The following PPP2R2B variants were observed in gnomAD, a reference collection of about 807,000 sequenced individuals.
PPP2R2B encodes the protein serine/threonine-protein phosphatase 2A 55 kDa regulatory subunit B beta isoform.
PPP2R2B carries 5 observed loss-of-function variants against 46.0 expected under a neutral mutation model. That is an observed-to-expected ratio of 0.11 (90% CI 0.06 to 0.23). PPP2R2B has a LOEUF of 0.23. PPP2R2B is among the 10% of genes least tolerant of loss of function. The pLI is 1.00. For missense variants in PPP2R2B, 367 were observed against 575.0 expected (o/e 0.64, Z 3.70); for synonymous variants, 215 against 206.7 (o/e 1.04, Z -0.34).
chr5:146,899,888 A>C (rs989285589), intron 1 of PPP2R2B, among the ~76,000 whole-genome samples: 1 of 152,218 alleles, frequency 6.6e-6, no homozygotes, highest in South Asian at 2.1e-4. Flanking sequence ...CATTGTGAAC[A>C]CTAAGGATAC....
At chr5:147,071,115 C>T (rs1450939355) in intron 2 of PPP2R2B, among the ~76,000 whole-genome samples, 2 of 152,086 alleles carry the variant, frequency 1.3e-5, no homozygotes, top group South Asian at 2.1e-4. Context: ...AATGTCCTTT[C>T]GCTTGACATT....
chr5:146,987,222 A>C (rs959105643), intron 1 of PPP2R2B, among the ~76,000 whole-genome samples: 7 of 152,146 alleles, frequency 4.6e-5, no homozygotes, highest in African/African-American at 1.7e-4. Flanking sequence ...AGACCTCATT[A>C]CTACCAGACC....
chr5:146,816,260 C>G (rs932842877), intron 2 of PPP2R2B, among the ~76,000 whole-genome samples: 3 of 152,044 alleles, frequency 2.0e-5, no homozygotes, highest in Non-Finnish European at 2.9e-5. Flanking sequence ...AAAAAATTGG[C>G]TGGGCATGGC....
At chr5:146,957,522 G>A (rs937096873) in intron 1 of PPP2R2B, among the ~76,000 whole-genome samples, 2 of 152,210 alleles carry the variant, frequency 1.3e-5, no homozygotes, top group Admixed American at 6.5e-5. Context: ...AGCCTTGAGA[G>A]AGAAGAGAAA....
chr5:146,962,660 AC>A (rs979217046), intron 1 of PPP2R2B, among the ~76,000 whole-genome samples: 8 of 152,166 alleles, frequency 5.3e-5, no homozygotes, highest in Admixed American at 6.6e-5. Flanking sequence ...TAAAAAAAAA[AC>A]AACCTTAAAG....
rs1381284199 is a variant in PPP2R2B, at chr5:146,584,932, T to A, written c.*5015A>T. The A allele has an allele frequency of 6.6e-6, 1 of 152,214 alleles. No individual in the cohort carries two copies. Among genetic ancestry groups the A allele is most frequent in the Non-Finnish European group, 1.5e-5 (1 of 68,040 alleles). The allele number at this position is 152,214 out of a possible 1,614,324, so 9.4% of individuals were successfully genotyped here. On this transcript the variant is annotated 3_prime_UTR_variant, in exon 10 of 10. Transcript: ENST00000394411. The stretch of plus-strand genomic sequence containing the variant: ...CTGTATCATGCTTTGTTGAGCAAAT[T>A]TAGTTAAAATTCTGCTTAGATGACA...
chr5:146,837,074 A>G (rs1759331098), intron 2 of PPP2R2B, among the ~76,000 whole-genome samples: 1 of 152,230 alleles, frequency 6.6e-6, no homozygotes, highest in African/African-American at 2.4e-5. Flanking sequence ...ACAAGTACAG[A>G]CAGTTATGAC....
In PPP2R2B at chr5:146,681,532, C is replaced by T. The variant is rs148310941; in HGVS notation, c.447+9596G>A. Among the ~76,000 whole-genome samples the T allele has an allele frequency of 4.8e-3, 724 of 152,274 alleles. 4 individuals are homozygous for T. Among genetic ancestry groups the T allele is most frequent in the African/African-American group, 0.016 (680 of 41,534 alleles). On this transcript the variant is annotated intron_variant, in intron 5 of 9. Transcript: ENST00000394411. ...ATTACGCTTATAATTCAGATAATTT[C>T]ATCTGAAAAATTCAGAAAATAAAAG...
intron 5 of PPP2R2B, among the ~76,000 whole-genome samples, chr5:146,658,153 G>C (rs1329467172): frequency 6.6e-6 from 1 of 152,160 alleles, no homozygotes; most frequent in African/African-American, 2.4e-5. Flanking sequence ...ACAAAGATGA[G>C]AGCGGAAGTC....
intron 1 of PPP2R2B, among the ~76,000 whole-genome samples, chr5:146,911,563 T>A (rs1025650682): frequency 1.3e-5 from 2 of 152,198 alleles, no homozygotes; most frequent in African/African-American, 2.4e-5. Context: ...CAATAAGTAA[T>A]TGTTTAAAGA....
rs150981315 is a variant in PPP2R2B, at chr5:146,638,334, T to C, written c.707A>G (p.Asn236Ser). ...TAAEFHPHHCNTFVYSSSKGT... is the reference protein window; with the variant it reads ...TAAEFHPHHCSTFVYSSSKGT... The stretch of plus-strand genomic sequence containing the variant: ...TTTGCTGCTGCTGTACACGAAGGTG[T>C]TGCAATGATGGGGGTGGAACTCGGC... The change falls in exon 7 of 10, where the codon AAC (asparagine) becomes AGC (serine). Residue 236 changes from asparagine to serine, a missense_variant. Asn to Ser is a conservative substitution (Grantham distance 46). Transcript: ENST00000394411. The C allele has an allele frequency of 2.4e-4, 391 of 1,613,640 alleles. No homozygotes were observed. Among genetic ancestry groups the C allele is most frequent in the Non-Finnish European group, 2.4e-4 (288 of 1,179,720 alleles).
chr5:146,863,270 T>C (rs577651164), intron 2 of PPP2R2B, among the ~76,000 whole-genome samples: 6 of 152,248 alleles, frequency 3.9e-5, no homozygotes, highest in African/African-American at 1.4e-4. Flanking sequence ...GGAAAAGGGA[T>C]TAGAAATTAG....
intron 5 of PPP2R2B, among the ~76,000 whole-genome samples, chr5:146,651,633 A>G (rs1360481291): frequency 6.6e-6 from 1 of 152,164 alleles, no homozygotes; most frequent in African/African-American, 2.4e-5. Flanking sequence ...ACAAACTAAA[A>G]AAACACCCAA....
chr5:146,670,497 T>TTATTTATC (rs1469811077), intron 5 of PPP2R2B, among the ~76,000 whole-genome samples: 4 of 151,074 alleles, frequency 2.6e-5, no homozygotes, highest in Admixed American at 1.3e-4. Context: ...ATTTATTTAT[T>TTATTTATC]TATTTATTTA....
chr5:147,041,973 C>A (rs182024244), intron 1 of PPP2R2B, among the ~76,000 whole-genome samples: 1 of 152,040 alleles, frequency 6.6e-6, no homozygotes, highest in Non-Finnish European at 1.5e-5. Flanking sequence ...CTGGCAGCCC[C>A]TTCCTCAAGG....
At chr5:146,963,151 C>T (rs957278688) in intron 1 of PPP2R2B, among the ~76,000 whole-genome samples, 1 of 152,164 alleles carries the variant, frequency 6.6e-6, no homozygotes, top group African/African-American at 2.4e-5. Flanking sequence ...GGGGCATTTC[C>T]TATGAGTCCT....
chr5:146,999,036 A>C (rs1754048375), intron 1 of PPP2R2B, among the ~76,000 whole-genome samples: 1 of 151,532 alleles, frequency 6.6e-6, no homozygotes. Context: ...AAAAAAAAAA[A>C]AAGAGTCAAT....
At chr5:146,840,398 A>C (rs1759562371) in intron 2 of PPP2R2B, among the ~76,000 whole-genome samples, 1 of 152,194 alleles carries the variant, frequency 6.6e-6, no homozygotes. Flanking sequence ...GACATATCTA[A>C]AGTTATAAAG....
At chr5:146,801,984 T>C (rs1467784409) in intron 2 of PPP2R2B, among the ~76,000 whole-genome samples, 1 of 152,212 alleles carries the variant, frequency 6.6e-6, no homozygotes, top group Non-Finnish European at 1.5e-5. Flanking sequence ...GGGGTAATTC[T>C]GTTTTTATTG....
Sources: allele counts gnomAD v4.1 joint callset (sites outside exome capture counted in the v4.1 genomes callset), GRCh38; gene constraint gnomAD v4.1.1; transcripts MANE v1.5; gene names NCBI Gene and HGNC (gene_info 2026-07-23, HGNC 2026-07-21).